COL6A3: variants seen among roughly 807,000 people sequenced by gnomAD.
The protein encoded by COL6A3 is collagen type VI alpha 3 chain.
In COL6A3, 137 loss-of-function variants were observed where a neutral mutation model predicts 274.1. The ratio of observed to expected loss-of-function variants is 0.50; its 90% CI spans 0.44 to 0.58. The LOEUF (loss-of-function observed/expected upper bound fraction) is 0.58. COL6A3 is among the 20% of genes least tolerant of loss of function. The pLI, the probability that COL6A3 is intolerant of heterozygous loss-of-function variation, is 0.00. For synonymous variants in COL6A3, 1,650 were observed against 1,650.6 expected, an observed-to-expected ratio of 1.00 and a Z score of 0.01; for missense variants, 3,950 against 4,124.9, an observed-to-expected ratio of 0.96 and a Z score of 1.16.
chr2:237,387,630 C>G lies in COL6A3; in HGVS notation c.1264G>C (p.Val422Leu). The G allele has an allele frequency of 1.2e-6, 2 of 1,613,700 alleles. No homozygotes were observed. Among genetic ancestry groups the G allele is most frequent in the South Asian group, 2.2e-5 (2 of 90,924 alleles). ...TTCAAGACAATGTGCCTTTGGGCCA[C>G]GCCAACAATGTACGGCAGTAATTTC... ...QEKLLPYIVG[V>L]AQRHIVLKPP... Residue 422 changes from valine (V) to leucine (L), a missense_variant, in exon 4 of 44, where the codon GTG (valine) becomes CTG (leucine). Val to Leu is a conservative substitution (Grantham distance 32, BLOSUM62 1). Transcript: ENST00000295550.
chr2:237,373,712 ACCC>A (rs2077755413), intron 8 of COL6A3, among the ~76,000 whole-genome samples: 4 of 151,486 alleles, frequency 2.6e-5, no homozygotes, highest in African/African-American at 9.7e-5. Flanking sequence ...AACCCCCCCC[ACCC>A]GAGTGACCCG....
In COL6A3 at chr2:237,342,073, A is replaced by G. The variant is rs765245863; in HGVS notation, c.7757T>C (p.Val2586Ala). 5 of 1,614,176 alleles carry G rather than the reference A, an allele frequency of 3.1e-6. No homozygotes were observed. The East Asian group carries it at 1.1e-4, about 36-fold the overall frequency. ...DFLENVLTCH[V>A]CLDICNIDPS... The stretch of plus-strand genomic sequence containing the variant: ...TTAGAGAAACAGCTTACCCAAGCAA[A>G]CATGACACGTGAGGACATTCTCCAG... The change falls in exon 37 of 44, where the codon GTT becomes GCT. Residue 2586 changes from valine (V) to alanine (A), a missense_variant. Val to Ala is a moderately conservative substitution (Grantham distance 64). Transcript: ENST00000295550.
Position 237,388,090 on chromosome 2 carries a change from G to C in COL6A3, c.804C>G (p.Leu268=), listed in dbSNP as rs372517103. 68 of 1,614,106 alleles carry C rather than the reference G, an allele frequency of 4.2e-5. No homozygotes were observed. The highest frequency in any genetic ancestry group is 5.6e-5 in the Non-Finnish European group (66 of 1,180,054). The change falls in exon 4 of 44, where the codon CTC becomes CTG. Residue 268 remains leucine, a synonymous_variant. Transcript: ENST00000295550. ...FAVILDFLVN[L]LEKLPIGTQQ... is the part of the protein sequence containing the mutation. Reference sequence around the variant, plus strand: ...GAGTTCCAATTGGGAGTTTCTCAAGGAGATTTACAAGGAAGTCGAGAATGA... The same window carrying C: ...GAGTTCCAATTGGGAGTTTCTCAAGCAGATTTACAAGGAAGTCGAGAATGA...
rs763326749 is a variant in COL6A3 at position 237,388,009 on chromosome 2, G to A, written c.885C>T (p.Ser295=). 1.1e-5 allele frequency: 17 copies of A among 1,614,202 alleles called. No homozygotes were observed. Among genetic ancestry groups the A allele is most frequent in the Non-Finnish European group, 1.4e-5 (16 of 1,180,038 alleles). The change falls in exon 4 of 44, where the codon TCC becomes TCT. Residue 295 remains serine, a synonymous_variant. Coordinates refer to ENST00000295550, the MANE Select transcript of COL6A3 (RefSeq NM_004369.4). ...GGGCCTTGGTGGAGTAGGTGTCCAA[G>A]GAGAACATGGTTCTGGGCTCATCGC... ...QFSDEPRTMF[S]LDTYSTKAQV... is the part of the protein sequence containing the mutation.
In COL6A3 at chr2:237,371,020, A is replaced by C. The variant is rs548559704; in HGVS notation, c.4285+712T>G. Among the ~76,000 whole-genome samples, 2 of 152,326 alleles carry C rather than the reference A, an allele frequency of 1.3e-5. No individual in the cohort carries two copies. Among genetic ancestry groups the C allele is most frequent in the South Asian group, 4.2e-4 (2 of 4,818 alleles). On this transcript the variant is annotated intron_variant, in intron 9 of 43. Transcript: ENST00000295550. The surrounding 1 kb of genome is among the most constrained non-coding windows in gnomAD (Gnocchi z 4.3). ...TAAGAGTGACTGCTCTTCTCTACCA[A>C]TCTATACCAAGGCCATCCTGCTTCT...
Position 237,363,247 on chromosome 2 carries a change from A to C in COL6A3, c.6063+6T>G, listed in dbSNP as rs78680875. ...GTCTGTGTATAAAGACATAAAAAAAACTCACAAGCTGCTCCGCTAGTTCAT... is the reference window on the plus strand; with the variant it reads ...GTCTGTGTATAAAGACATAAAAAAACCTCACAAGCTGCTCCGCTAGTTCAT... On this transcript the variant is annotated splice_donor_region_variant and intron_variant, in intron 14 of 43. Coordinates refer to ENST00000295550, the MANE Select transcript of COL6A3 (RefSeq NM_004369.4). 2 of 1,613,702 alleles carry C rather than the reference A, an allele frequency of 1.2e-6. No homozygotes were observed. The highest frequency in any genetic ancestry group is 1.7e-6 in the Non-Finnish European group (2 of 1,179,918).
chr2:237,383,841 G>A (rs1015569511), intron 4 of COL6A3, among the ~76,000 whole-genome samples: 23 of 151,942 alleles, frequency 1.5e-4, no homozygotes, highest in Admixed American at 2.0e-4. Context: ...ATGAGCCAGC[G>A]GGAAGGAATA....
In COL6A3 at chr2:237,358,098, G is replaced by A. The variant is rs538066964; in HGVS notation, c.6472-216C>T. Among the ~76,000 whole-genome samples the A allele has an allele frequency of 1.0e-3, 158 of 152,300 alleles. 1 individual carries two copies. Among genetic ancestry groups the A allele is most frequent in the Non-Finnish European group, 1.8e-3 (124 of 68,032 alleles). On this transcript the variant is annotated intron_variant, in intron 21 of 43. Coordinates refer to ENST00000295550, the MANE Select transcript of COL6A3 (RefSeq NM_004369.4). ...CTCTTAGCCCCAAACAGGTGCAATC[G>A]TTCTTCCCCAGGGAGGAGGATGCCC...
rs1256178068 is a variant in COL6A3 at position 237,399,469 on chromosome 2, G to A, written c.-30-2622C>T. 2.6e-5 allele frequency among the ~76,000 whole-genome samples: 4 copies of A among 152,124 alleles called. No homozygotes were observed. In the East Asian group the frequency reaches 5.8e-4, roughly 22 times the overall value. ...ACTCTAACTACCATTCTCCAGCAAC[G>A]TTTCATTCATCAGCATTTCCCAAAG... On this transcript the variant is annotated intron_variant, in intron 1 of 43. Transcript: ENST00000295550.
intron 24 of COL6A3, among the ~76,000 whole-genome samples, chr2:237,353,870 A>T (rs554862431): frequency 1.3e-5 from 2 of 152,286 alleles, no homozygotes; most frequent in African/African-American, 4.8e-5. Flanking sequence ...GAGCCTCGGG[A>T]GCCAGAACAG....
chr2:237,324,820 C>T lies in COL6A3; in HGVS notation c.9494-6G>A, dbSNP rs367899223. 23 of 1,612,760 alleles carry T rather than the reference C, an allele frequency of 1.4e-5. No individual in the cohort carries two copies. The Middle Eastern group carries it at 4.9e-4, about 35-fold the overall frequency. On this transcript the variant is annotated splice_region_variant and splice_polypyrimidine_tract_variant and intron_variant, in intron 43 of 43. Coordinates refer to ENST00000295550, the MANE Select transcript of COL6A3 (RefSeq NM_004369.4). ...GACTCCGGGTTTGGCGAGCACTGAG[C>T]GTCGAGAGAGGGGGTGGGTGGGGTG...
Position 237,395,121 on chromosome 2 carries a change from G to A in COL6A3, c.175C>T (p.Arg59Ter), listed in dbSNP as rs398124119. ...TTTACAACATCATATAGAAACTCTCGAACAAGTTGGAAATGTTCCTCTCCA... is the reference window on the plus strand; with the variant it reads ...TTTACAACATCATATAGAAACTCTCAAACAAGTTGGAAATGTTCCTCTCCA... ...TIGEEHFQLV[R>*]EFLYDVVKSL... The change falls in exon 3 of 44, where the codon CGA (arginine) becomes TGA (stop). Residue 59 changes from arginine (R) to a stop codon, truncating the protein, a stop_gained. Transcript: ENST00000295550. LOFTEE classifies it high-confidence loss of function. The A allele has an allele frequency of 2.8e-5, 45 of 1,613,706 alleles. No individual in the cohort carries two copies. Among genetic ancestry groups the A allele is most frequent in the Admixed American group, 2.3e-4 (14 of 59,998 alleles).
rs1245884766 is a variant in COL6A3, at chr2:237,326,245, GT to G, written c.9329-522del. 5 of 17,786 alleles carry G rather than the reference GT, an allele frequency of 2.8e-4. No individual in the cohort carries two copies. In the East Asian group the frequency reaches 6.8e-3, roughly 24 times the overall value. 1.1% of individuals were successfully genotyped at this position (17,786 alleles called of 1,614,324 possible). A position where few individuals can be genotyped will look rare whatever the true frequency, so the allele number is the denominator to read the frequency against. ...AAGCAGAAAAGAAAATCCTTTATGA[GT>G]GTGTGTGTGTGTGTGTGTGTGTGTG... On this transcript the variant is annotated intron_variant, in intron 42 of 43. Coordinates refer to ENST00000295550, the MANE Select transcript of COL6A3 (RefSeq NM_004369.4).
Position 237,363,309 on chromosome 2 carries a change from C to A in COL6A3, c.6007G>T (p.Asp2003Tyr). Reference sequence around the variant, plus strand: ...AGCAAGTTAAGCCTCAGGGGCCTGTCATACATAAACCCTCGCCCAAACTCC... The same window carrying A: ...AGCAAGTTAAGCCTCAGGGGCCTGTAATACATAAACCCTCGCCCAAACTCC... ...HLEFGRGFMY[D>Y]RPLRLNLLDL... The change falls in exon 14 of 44, where the codon GAC (aspartate) becomes TAC (tyrosine). Residue 2003 changes from aspartate to tyrosine, a missense_variant. Physicochemically the swap from Asp to Tyr is radical, Grantham distance 160. Around this residue, in one of 5 missense-constraint regions of COL6A3, gnomAD observed 632 missense variants for 623.4 expected, o/e 1.01. Transcript: ENST00000295550. 2 of 1,614,152 alleles carry A rather than the reference C, an allele frequency of 1.2e-6. No homozygotes were observed. Among genetic ancestry groups the A allele is most frequent in the Non-Finnish European group, 1.7e-6 (2 of 1,180,034 alleles).
rs920105033 is a variant in COL6A3 at position 237,374,549 on chromosome 2, A to C, written c.3542T>G (p.Ile1181Ser). 1 of 1,614,204 alleles carries C rather than the reference A, an allele frequency of 6.2e-7. No homozygotes were observed. Among genetic ancestry groups the C allele is most frequent in the Admixed American group, 1.7e-5 (1 of 60,030 alleles). ...GGGAATGGCCACGGCAAAGTCCGGG[A>C]TGAAGGAGATGGTCTGCATCTCTGT... ...DITEMQTISFIPDFAVAIPTF... is the reference protein window; with the variant it reads ...DITEMQTISFSPDFAVAIPTF... Residue 1181 changes from isoleucine (I) to serine (S), a missense_variant, in exon 8 of 44, where the codon ATC becomes AGC. This residue lies in a region of COL6A3 where 1,934 missense variants were observed against 1,984.3 expected (regional missense o/e 0.97). Coordinates refer to ENST00000295550, the MANE Select transcript of COL6A3 (RefSeq NM_004369.4). This position sits in a 1 kb window ranked among gnomAD's most constrained non-coding sequence, Gnocchi z 4.8.
Position 237,344,030 on chromosome 2 carries a change from A to G in COL6A3, c.7668+320T>C. On this transcript the variant is annotated intron_variant, in intron 36 of 43. Transcript: ENST00000295550. The surrounding 1 kb of genome is among the most constrained non-coding windows in gnomAD (Gnocchi z 4.8). ...GAAGGATGCAAACGTCCAGGTCCTC[A>G]TGAATAAAGCAAACAAGTCACACCA... 1 of 426,058 alleles carries G rather than the reference A, an allele frequency of 2.3e-6. No individual in the cohort carries two copies. Among genetic ancestry groups the G allele is most frequent in the Non-Finnish European group, 4.4e-6 (1 of 227,724 alleles). The allele number at this position is 426,058 out of a possible 1,614,324, so 26.4% of individuals were successfully genotyped here.
At chr2:237,392,003 T>C (rs1418113284) in intron 3 of COL6A3, among the ~76,000 whole-genome samples, 1 of 152,152 alleles carries the variant, frequency 6.6e-6, no homozygotes, top group Non-Finnish European at 1.5e-5. Context: ...TCCTGTCATT[T>C]GGCAGGACTG....
intron 2 of COL6A3, 40 bp from the exon 3 acceptor site, chr2:237,395,244 A>T (rs763555622): frequency 1.2e-6 from 2 of 1,607,756 alleles, no homozygotes; most frequent in South Asian, 2.2e-5. Context: ...TCTACTATGT[A>T]AGCAATTACT....
chr2:237,357,704 G>T, intron 22 of COL6A3, 113 bp downstream of exon 22: 1 of 1,057,510 alleles, frequency 9.5e-7, no homozygotes, highest in Non-Finnish European at 1.5e-6. Flanking sequence ...CTTAGGCTAC[G>T]TTGCAGTGTT....
Sources: gnomAD v4.1 joint callset for allele counts (sites outside exome capture counted in the v4.1 genomes callset) on GRCh38, gnomAD v4.1.1 for gene constraint, gnomAD v4.1.1 regional missense constraint, Gnocchi (gnomAD v3.1) non-coding constraint, MANE v1.5 for transcripts, NCBI Gene and HGNC (gene_info 2026-07-23, HGNC 2026-07-21) for gene names.